The following NTNG1 variants were observed in gnomAD, a reference collection of about 807,000 sequenced individuals.
NTNG1 encodes the protein netrin-G1.
A neutral mutation model predicts 54.0 loss-of-function variants in NTNG1; 16 were observed. The ratio of observed to expected loss-of-function variants is 0.30; its 90% CI spans 0.20 to 0.45. NTNG1 has a LOEUF of 0.45. Among genes scored for constraint, NTNG1 ranks in the 20% least tolerant of loss-of-function variants. The probability of loss-of-function intolerance (pLI) is 1.00; values close to 1 mark genes in which losing one functional copy is unlikely to be tolerated. For missense variants in NTNG1, 530 were observed against 678.7 expected (o/e 0.78, Z 2.43); for synonymous variants, 255 against 263.1 (o/e 0.97, Z 0.30).
intron 5 of NTNG1, among the ~76,000 whole-genome samples, chr1:107,422,242 C>A (rs1393540474): frequency 6.6e-6 from 1 of 152,022 alleles, no homozygotes; most frequent in Non-Finnish European, 1.5e-5. Context: ...CAGATGCAGG[C>A]TCAGAGGGTA....
rs529656328 is a variant in NTNG1 at position 107,286,222 on chromosome 1, A to T, written c.247-38060A>T. 2.6e-5 allele frequency among the ~76,000 whole-genome samples: 4 copies of T among 152,238 alleles called. No homozygotes were observed. The East Asian group carries it at 7.7e-4, about 29-fold the overall frequency. On this transcript the variant is annotated intron_variant, in intron 2 of 7. Transcript: ENST00000370068. ...CTACTCAATGGTGTAGAAGTGGCTG[A>T]AGGTATGGGAGGATCATCTAATTCA... is the stretch of plus-strand genomic sequence containing the variant.
intron 2 of NTNG1, among the ~76,000 whole-genome samples, chr1:107,314,576 C>A (rs887424827): frequency 7.9e-5 from 12 of 152,062 alleles, no homozygotes; most frequent in African/African-American, 2.4e-4. Flanking sequence ...GGTTTTTGCC[C>A]TTTTATCCCT....
At chr1:107,235,510 C>T (rs1661346703) in intron 2 of NTNG1, among the ~76,000 whole-genome samples, 1 of 152,140 alleles carries the variant, frequency 6.6e-6, no homozygotes, top group Non-Finnish European at 1.5e-5. Flanking sequence ...GGAACCTCAG[C>T]CTCTGGTCCC....
At chr1:107,314,768 T>A (rs1237566239) in intron 2 of NTNG1, among the ~76,000 whole-genome samples, 1 of 152,234 alleles carries the variant, frequency 6.6e-6, no homozygotes. Flanking sequence ...GACTGTTAAC[T>A]CATTGACTGG....
intron 2 of NTNG1, among the ~76,000 whole-genome samples, chr1:107,211,952 C>T (rs555120787): frequency 6.6e-6 from 1 of 152,128 alleles, no homozygotes. Context: ...TGCAGCCCAG[C>T]GGTGAAGTTA....
chr1:107,188,102 A>G (rs549421207), intron 2 of NTNG1, among the ~76,000 whole-genome samples: 1 of 152,136 alleles, frequency 6.6e-6, no homozygotes, highest in East Asian at 1.9e-4. Context: ...GTTGCTGATT[A>G]CATCTTATTT....
At chr1:107,427,972 G>T (rs918420157) in intron 5 of NTNG1, among the ~76,000 whole-genome samples, 2 of 152,058 alleles carry the variant, frequency 1.3e-5, no homozygotes, top group African/African-American at 2.4e-5. Flanking sequence ...TTCATGGAAT[G>T]GGTCTTAAAC....
intron 2 of NTNG1, among the ~76,000 whole-genome samples, chr1:107,249,229 T>C (rs113479321): frequency 0.04 from 6,134 of 151,746 alleles, 137 homozygotes; most frequent in Non-Finnish European, 0.052. Flanking sequence ...CTCACACCTG[T>C]AATCCCAGCA....
chr1:107,457,252 T>G (rs1677005774), intron 7 of NTNG1, among the ~76,000 whole-genome samples: 1 of 152,246 alleles, frequency 6.6e-6, no homozygotes, highest in Admixed American at 6.5e-5. Flanking sequence ...ATCATTCAGC[T>G]TATTTTGTAG....
chr1:107,386,959 G>A (rs12738815), intron 3 of NTNG1, among the ~76,000 whole-genome samples: 17,544 of 152,114 alleles, frequency 0.12, 1,226 homozygotes, highest in Non-Finnish European at 0.16. Flanking sequence ...GTGAATCGGC[G>A]TCTCATTGTC....
intron 2 of NTNG1, among the ~76,000 whole-genome samples, chr1:107,161,754 A>G (rs1203112491): frequency 1.3e-5 from 2 of 148,962 alleles, no homozygotes; most frequent in Non-Finnish European, 3.0e-5. Flanking sequence ...GTTAGAATTA[A>G]AAAAAAAAAG....
intron 2 of NTNG1, among the ~76,000 whole-genome samples, chr1:107,259,641 T>C (rs1482210961): frequency 6.6e-6 from 1 of 152,186 alleles, no homozygotes; most frequent in Non-Finnish European, 1.5e-5. Flanking sequence ...AATGAATAAT[T>C]TACATTTGCT....
intron 2 of NTNG1, among the ~76,000 whole-genome samples, chr1:107,175,436 A>G (rs1029000968): frequency 6.6e-6 from 1 of 152,138 alleles, no homozygotes; most frequent in Non-Finnish European, 1.5e-5. Context: ...ATATTACTAG[A>G]TTTCTTAGAG....
intron 2 of NTNG1, among the ~76,000 whole-genome samples, chr1:107,198,528 G>A (rs1658504480): frequency 6.6e-6 from 1 of 151,926 alleles, no homozygotes; most frequent in Admixed American, 6.6e-5. Flanking sequence ...TTAGTGGGGA[G>A]AAATAATATT....
chr1:107,301,769 GAGAA>G (rs557596332), intron 2 of NTNG1, among the ~76,000 whole-genome samples: 57 of 152,188 alleles, frequency 3.7e-4, no homozygotes, highest in Admixed American at 3.5e-3. Context: ...AGAATTCCAT[GAGAA>G]AGAGTTTCAT....
intron 3 of NTNG1, among the ~76,000 whole-genome samples, chr1:107,387,947 G>A (rs180892906): frequency 6.6e-6 from 1 of 152,248 alleles, no homozygotes; most frequent in East Asian, 1.9e-4. Context: ...ATCATCACTG[G>A]AGAGACAACT....
chr1:107,222,164 C>T (rs537846671), intron 2 of NTNG1, among the ~76,000 whole-genome samples: 34 of 152,136 alleles, frequency 2.2e-4, no homozygotes, highest in South Asian at 8.3e-4. Context: ...TCACTCTAGC[C>T]GGCAAATCTG....
At chr1:107,405,364 G>T (rs909297251) in intron 4 of NTNG1, among the ~76,000 whole-genome samples, 1 of 152,030 alleles carries the variant, frequency 6.6e-6, no homozygotes, top group Non-Finnish European at 1.5e-5. Context: ...TGACTCATCT[G>T]GCAGCACCTC....
At chr1:107,362,852 ACC>A (rs1670377273) in intron 3 of NTNG1, among the ~76,000 whole-genome samples, 1 of 152,152 alleles carries the variant, frequency 6.6e-6, no homozygotes, top group Admixed American at 6.5e-5. Context: ...AAGTTTCCCT[ACC>A]CTTCTTAACA....
Sources: gnomAD v4.1 joint callset for allele counts (sites outside exome capture counted in the v4.1 genomes callset) on GRCh38, gnomAD v4.1.1 for gene constraint, MANE v1.5 for transcripts, NCBI Gene and HGNC (gene_info 2026-07-23, HGNC 2026-07-21) for gene names.